The following SCTR variants were observed in gnomAD, a reference collection of about 807,000 sequenced individuals.
SCTR encodes the protein secretin receptor.
Under a neutral mutation model 60.8 loss-of-function variants are expected in SCTR, and 56 were observed. The ratio of observed to expected loss-of-function variants is 0.92; its 90% CI spans 0.74 to 1.15. SCTR has a LOEUF of 1.15. Among genes scored for constraint, SCTR ranks in the 50% most tolerant of loss-of-function variants. The pLI, the probability that SCTR is intolerant of heterozygous loss-of-function variation, is 0.00. For missense variants in SCTR, 562 were observed against 550.4 expected (o/e 1.02, Z -0.21); for synonymous variants, 202 against 217.0 (o/e 0.93, Z 0.61).
chr2:119,445,235 C>T (rs1227165643), intron 11 of SCTR, among the ~76,000 whole-genome samples: 1 of 152,096 alleles, frequency 6.6e-6, no homozygotes, highest in African/African-American at 2.4e-5. Context: ...TCCTTCCACC[C>T]GACTGGTCCT....
At chr2:119,507,661 T>C (rs1408103533) in intron 1 of SCTR, among the ~76,000 whole-genome samples, 2 of 123,078 alleles carry the variant, frequency 1.6e-5, no homozygotes, top group East Asian at 8.5e-4. Context: ...CTCTTTCTCG[T>C]TCTTTTTTTT....
chr2:119,465,721 T>C (rs1683803033), intron 5 of SCTR, 68 bp downstream of exon 5: 1 of 1,074,226 alleles, frequency 9.3e-7, no homozygotes, highest in Non-Finnish European at 1.5e-6. Context: ...TCCTGGGTGG[T>C]TGAGAAGAGA....
intron 3 of SCTR, among the ~76,000 whole-genome samples, chr2:119,474,030 C>CA (rs1677153731): frequency 6.6e-6 from 1 of 152,344 alleles, no homozygotes; most frequent in African/African-American, 2.4e-5. Flanking sequence ...TGAACCCCTC[C>CA]AGGCAGCGCC....
At chr2:119,510,187 A>G (rs1386675542) in intron 1 of SCTR, among the ~76,000 whole-genome samples, 1 of 128,380 alleles carries the variant, frequency 7.8e-6, no homozygotes, top group African/African-American at 3.0e-5. Context: ...CCCTGTGTCC[A>G]TGTGTTCTCA....
rs146179053 is a variant in SCTR, at chr2:119,461,643, G to A, written c.790+204C>T. On this transcript the variant is annotated intron_variant, in intron 7 of 12. Coordinates refer to ENST00000019103, the MANE Select transcript of SCTR (RefSeq NM_002980.3). The stretch of plus-strand genomic sequence containing the variant: ...GGAGAATCACTTGAACCTGGGAGAT[G>A]AAGGTTGCAGTGAGCCAAGATCATG... 8.4e-3 allele frequency among the ~76,000 whole-genome samples: 1,236 copies of A among 146,460 alleles called. 13 individuals are homozygous for A. Among genetic ancestry groups the A allele is most frequent in the African/African-American group, 0.029 (1,139 of 39,482 alleles).
intron 11 of SCTR, among the ~76,000 whole-genome samples, chr2:119,443,413 CTT>C (rs754524157): frequency 6.6e-6 from 1 of 152,182 alleles, no homozygotes; most frequent in Non-Finnish European, 1.5e-5. Context: ...CACACCAACA[CTT>C]TAACAGAAGT....
intron 1 of SCTR, among the ~76,000 whole-genome samples, chr2:119,498,287 T>G (rs1416035276): frequency 6.6e-6 from 1 of 152,112 alleles, no homozygotes; most frequent in African/African-American, 2.4e-5. Context: ...CCTCCAGGAA[T>G]GAAGGGGAAA....
intron 1 of SCTR, among the ~76,000 whole-genome samples, chr2:119,509,071 C>G (rs144224444): frequency 4.4e-4 from 67 of 152,300 alleles, no homozygotes; most frequent in African/African-American, 1.3e-3. Context: ...AGGTGTACTT[C>G]TTTGCTTGGC....
At chr2:119,504,936 A>T (rs1307300259) in intron 1 of SCTR, among the ~76,000 whole-genome samples, 2 of 152,212 alleles carry the variant, frequency 1.3e-5, no homozygotes, top group Non-Finnish European at 2.9e-5. Context: ...TTTACAGAAG[A>T]TATACAGATG....
chr2:119,524,327 G>A lies in SCTR; in HGVS notation c.-101C>T. ...CCGCGCAGGGTCCCGGGCTCCGGCCGGCCGCTGCGCCCCGAGGAGCCATGG... is the reference window on the plus strand; with the variant it reads ...CCGCGCAGGGTCCCGGGCTCCGGCCAGCCGCTGCGCCCCGAGGAGCCATGG... On this transcript the variant is annotated 5_prime_UTR_variant, in exon 1 of 13. Transcript: ENST00000019103. 1.3e-6 allele frequency: 1 copy of A among 751,646 alleles called. No individual in the cohort carries two copies. Among genetic ancestry groups the A allele is most frequent in the South Asian group, 3.3e-5 (1 of 30,646 alleles). 46.6% of individuals were successfully genotyped at this position (751,646 alleles called of 1,614,324 possible).
chr2:119,501,021 A>T (rs1038251390), intron 1 of SCTR, among the ~76,000 whole-genome samples: 5 of 152,196 alleles, frequency 3.3e-5, no homozygotes, highest in East Asian at 1.9e-4. Flanking sequence ...TGTGTCAATT[A>T]AAAAAATTTA....
chr2:119,488,045 G>A (rs1044626462), intron 2 of SCTR, among the ~76,000 whole-genome samples: 1 of 152,208 alleles, frequency 6.6e-6, no homozygotes, highest in African/African-American at 2.4e-5. Context: ...CACACTCCCA[G>A]ATGGAGCCCT....
chr2:119,463,457 T>G (rs956912788), intron 6 of SCTR, among the ~76,000 whole-genome samples: 2 of 152,180 alleles, frequency 1.3e-5, no homozygotes, highest in Admixed American at 1.3e-4. Context: ...AGGCCTACTC[T>G]AAGGATGGCA....
intron 1 of SCTR, among the ~76,000 whole-genome samples, chr2:119,510,224 A>G (rs937327888): frequency 2.7e-5 from 4 of 146,850 alleles, no homozygotes; most frequent in African/African-American, 1.0e-4. Flanking sequence ...TATGGTTGTG[A>G]AGTGGAGCAT....
intron 1 of SCTR, among the ~76,000 whole-genome samples, chr2:119,498,280 C>T (rs1678422525): frequency 6.6e-6 from 1 of 151,970 alleles, no homozygotes; most frequent in Non-Finnish European, 1.5e-5. Flanking sequence ...AAAATATCCT[C>T]CAGGAATGAA....
At chr2:119,516,852 G>C (rs1261759338) in intron 1 of SCTR, among the ~76,000 whole-genome samples, 1 of 152,124 alleles carries the variant, frequency 6.6e-6, no homozygotes, top group Non-Finnish European at 1.5e-5. Context: ...CCAGCTACTC[G>C]GGAGGCTGAG....
chr2:119,513,372 T>C (rs1679016726), intron 1 of SCTR, among the ~76,000 whole-genome samples: 1 of 152,232 alleles, frequency 6.6e-6, no homozygotes, highest in South Asian at 2.1e-4. Context: ...GTGGTCAATC[T>C]GTCATCTTAA....
chr2:119,494,398 A>T, intron 2 of SCTR, 30 bp downstream of exon 2: 1 of 1,609,602 alleles, frequency 6.2e-7, no homozygotes, highest in South Asian at 1.1e-5. Context: ...CACCCCCAAG[A>T]GAGGACATGG....
At chr2:119,453,150 T>G in intron 8 of SCTR, 137 bp downstream of exon 8, 2 of 678,774 alleles carry the variant, frequency 2.9e-6, no homozygotes, top group South Asian at 3.6e-5. Context: ...GCAGTGAGCA[T>G]CAGTCCAGGG....
Sources: gnomAD v4.1 joint callset for allele counts (sites outside exome capture counted in the v4.1 genomes callset) on GRCh38, gnomAD v4.1.1 for gene constraint, MANE v1.5 for transcripts, NCBI Gene and HGNC (gene_info 2026-07-23, HGNC 2026-07-21) for gene names.